Variants in RAB38 observed in about 807,000 individuals in gnomAD.
RAB38 encodes RAB38, member RAS oncogene family.
A neutral mutation model predicts 18.4 loss-of-function variants in RAB38; 15 were observed. The ratio of observed to expected loss-of-function variants is 0.82; its 90% CI spans 0.55 to 1.26. The LOEUF (loss-of-function observed/expected upper bound fraction) is 1.26, where lower values mean the gene tolerates loss of function less well. RAB38 is among the 50% of genes most tolerant of loss of function. The probability of loss-of-function intolerance (pLI) is 0.00; values close to 1 mark genes in which losing one functional copy is unlikely to be tolerated. For synonymous variants in RAB38, 101 were observed against 104.4 expected, an observed-to-expected ratio of 0.97 and a Z score of 0.20; for missense variants, 294 against 267.4, an observed-to-expected ratio of 1.10 and a Z score of -0.69.
intron 2 of RAB38, among the ~76,000 whole-genome samples, chr11:88,123,709 G>C (rs555411818): frequency 1.6e-4 from 25 of 152,220 alleles, no homozygotes; most frequent in African/African-American, 6.0e-4. Context: ...ATGTACTTAG[G>C]CAAAATATTT....
chr11:88,117,209 T>C (rs796116805), intron 2 of RAB38, among the ~76,000 whole-genome samples: 25 of 152,288 alleles, frequency 1.6e-4, no homozygotes, highest in African/African-American at 6.0e-4. Flanking sequence ...ACCCAATTAA[T>C]AGTATTTAGA....
the RAB38 span, among the ~76,000 whole-genome samples, chr11:88,063,620 A>G: frequency 2.6e-5 from 4 of 152,184 alleles, no homozygotes; most frequent in Non-Finnish European, 5.9e-5. Context: ...GAACTGTAGT[A>G]ATCCCCAAGT....
the RAB38 span, among the ~76,000 whole-genome samples, chr11:88,035,906 C>T: frequency 3.3e-5 from 5 of 151,720 alleles, no homozygotes; most frequent in Admixed American, 1.3e-4. Flanking sequence ...TCCTGTTTGC[C>T]TTGATTTCTC....
At chr11:87,815,221 T>C in the RAB38 span, 1 of 152,224 alleles carries the variant, frequency 6.6e-6, no homozygotes. Context: ...TAGAATATTA[T>C]GCTTTGTTGT....
chr11:88,041,577 C>T, the RAB38 span, among the ~76,000 whole-genome samples: 2 of 152,240 alleles, frequency 1.3e-5, no homozygotes, highest in African/African-American at 2.4e-5. Flanking sequence ...ATGTTATTAG[C>T]TCAACTAAAG....
chr11:87,867,614 G>A, the RAB38 span, among the ~76,000 whole-genome samples: 589 of 151,824 alleles, frequency 3.9e-3, 2 homozygotes, highest in Admixed American at 6.6e-3. Flanking sequence ...TAACAATTGG[G>A]AGATTTGGTA....
At chr11:88,135,769 G>GC (rs1353728018) in intron 2 of RAB38, among the ~76,000 whole-genome samples, 1 of 152,164 alleles carries the variant, frequency 6.6e-6, no homozygotes, top group Non-Finnish European at 1.5e-5. Context: ...CGAGCCTTTT[G>GC]CGATGGTATT....
chr11:88,138,606 G>A (rs1036049993), intron 2 of RAB38, among the ~76,000 whole-genome samples: 1 of 151,998 alleles, frequency 6.6e-6, no homozygotes, highest in African/African-American at 2.4e-5. Context: ...CTAACCATAG[G>A]ATAATGGGTA....
At chr11:87,967,164 CTTTA>C in the RAB38 span, among the ~76,000 whole-genome samples, 2 of 152,148 alleles carry the variant, frequency 1.3e-5, no homozygotes, top group Non-Finnish European at 2.9e-5. Context: ...ATATTTCCAC[CTTTA>C]TTTGTCACCC....
At chr11:88,056,575 C>T in the RAB38 span, among the ~76,000 whole-genome samples, 4 of 152,008 alleles carry the variant, frequency 2.6e-5, no homozygotes, top group African/African-American at 4.8e-5. Context: ...GAGGCTGAGG[C>T]GGGCAGATCA....
At chr11:87,920,578 C>T in the RAB38 span, among the ~76,000 whole-genome samples, 1 of 151,954 alleles carries the variant, frequency 6.6e-6, no homozygotes, top group East Asian at 1.9e-4. Context: ...TCTGGAGAAT[C>T]GTTTGTGTGC....
At chr11:88,153,676 TAAGA>T (rs1483507868) in intron 1 of RAB38, among the ~76,000 whole-genome samples, 3 of 152,256 alleles carry the variant, frequency 2.0e-5, no homozygotes, top group Non-Finnish European at 4.4e-5. Context: ...CTCTGACACC[TAAGA>T]AATACCCATC....
the RAB38 span, among the ~76,000 whole-genome samples, chr11:87,965,463 A>G: frequency 1.2e-3 from 188 of 152,264 alleles, 1 homozygote; most frequent in African/African-American, 4.4e-3. Flanking sequence ...GAGAGGAATC[A>G]TGTACATGTT....
At chr11:88,161,157 C>A (rs1943185940) in intron 1 of RAB38, among the ~76,000 whole-genome samples, 1 of 152,072 alleles carries the variant, frequency 6.6e-6, no homozygotes, top group Admixed American at 6.6e-5. Flanking sequence ...TGGTTCCGAC[C>A]ACTTTTTCAA....
the RAB38 span, among the ~76,000 whole-genome samples, chr11:87,819,690 A>G: frequency 7.0e-6 from 1 of 143,850 alleles, no homozygotes; most frequent in Non-Finnish European, 1.5e-5. Flanking sequence ...ATATATATAT[A>G]TGTGTGTGTG....
At chr11:87,843,621 T>A in the RAB38 span, among the ~76,000 whole-genome samples, 2 of 152,242 alleles carry the variant, frequency 1.3e-5, no homozygotes, top group Admixed American at 6.5e-5. Flanking sequence ...CTCCATAGCT[T>A]ACTTATGAGA....
At chr11:87,934,582 G>C in the RAB38 span, among the ~76,000 whole-genome samples, 10 of 152,168 alleles carry the variant, frequency 6.6e-5, 1 homozygote, top group South Asian at 2.1e-3. Context: ...CTCGTGCAAT[G>C]CTAAATTACT....
At chr11:88,017,460 A>G in the RAB38 span, among the ~76,000 whole-genome samples, 2 of 151,706 alleles carry the variant, frequency 1.3e-5, no homozygotes, top group Non-Finnish European at 2.9e-5. Flanking sequence ...TTTATTCACA[A>G]TTTTAAAAAT....
chr11:87,899,694 A>C, the RAB38 span, among the ~76,000 whole-genome samples: 1 of 151,650 alleles, frequency 6.6e-6, no homozygotes, highest in Non-Finnish European at 1.5e-5. Flanking sequence ...TAAGCTCAGG[A>C]ATGGCAACTT....
Sources: allele counts gnomAD v4.1 joint callset (sites outside exome capture counted in the v4.1 genomes callset), GRCh38; gene constraint gnomAD v4.1.1; transcripts MANE v1.5; gene names NCBI Gene and HGNC (gene_info 2026-07-23, HGNC 2026-07-21).